Variants in ANAPC2 observed in about 807,000 individuals in gnomAD.
ANAPC2 encodes anaphase promoting complex subunit 2.
ANAPC2 carries 29 observed loss-of-function variants against 84.3 expected under a neutral mutation model. The observed-to-expected ratio is 0.34, with a 90% CI of 0.26 to 0.47. ANAPC2 has a LOEUF of 0.47. Among genes scored for constraint, ANAPC2 ranks in the 20% least tolerant of loss-of-function variants. ANAPC2 has a pLI of 1.00. For synonymous variants in ANAPC2, 571 were observed against 479.4 expected (o/e 1.19, Z -2.50); for missense variants, 857 against 1,131.7 (o/e 0.76, Z 3.48).
At chr9:137,183,362 T>C in intron 5 of ANAPC2, 120 bp from the exon 6 acceptor site, 3 of 890,712 alleles carry the variant, frequency 3.4e-6, no homozygotes, top group Non-Finnish European at 5.4e-6. Flanking sequence ...CACTGCAGCC[T>C]CGTTCCCTTG....
chr9:137,188,419 C>G lies in ANAPC2; in HGVS notation c.114G>C (p.Gly38=). ...CCCCTCTCTTCCCAGGCCTCACCAG[C>G]CCCAGCGCAGCCGGCGGCACCAGGC... ...STGLVPPAAL[G]LVSSRTSGAV... The change falls in exon 1 of 13, where the codon GGG becomes GGC. Residue 38 remains glycine, a synonymous_variant. Coordinates refer to ENST00000323927, the MANE Select transcript of ANAPC2 (RefSeq NM_013366.4). 1.2e-6 allele frequency: 2 copies of G among 1,607,212 alleles called. No individual in the cohort carries two copies. Among genetic ancestry groups the G allele is most frequent in the Non-Finnish European group, 1.7e-6 (2 of 1,179,052 alleles).
chr9:137,186,484 C>T (rs1834473422), intron 2 of ANAPC2, 128 bp from the exon 3 acceptor site: 1 of 1,260,926 alleles, frequency 7.9e-7, no homozygotes, highest in African/African-American at 1.5e-5. Flanking sequence ...ACACCCAGCA[C>T]ACACCTCCCC....
Position 137,180,355 on chromosome 9 carries a change from G to A in ANAPC2, c.1716C>T (p.Ala572=), listed in dbSNP as rs1352133851. ...GCTTCTCATCCTCCTCCCGGATGTT[G>A]GCATTGATGCGGCGGGAGTCCGCCA... ...KDMADSRRIN[A]NIREEDEKRP... The change falls in exon 10 of 13, where the codon GCC becomes GCT. Residue 572 remains alanine, a synonymous_variant. Transcript: ENST00000323927. The A allele has an allele frequency of 6.2e-7, 1 of 1,613,060 alleles. No homozygotes were observed. Among genetic ancestry groups the A allele is most frequent in the Non-Finnish European group, 8.5e-7 (1 of 1,179,924 alleles).
chr9:137,187,299 A>T, intron 2 of ANAPC2, 182 bp downstream of exon 2: 1 of 743,732 alleles, frequency 1.3e-6, no homozygotes, highest in Non-Finnish European at 2.1e-6. Flanking sequence ...ACTGAAGGTG[A>T]GTGACAGAAG....
intron 11 of ANAPC2, 37 bp from the exon 12 acceptor site, chr9:137,175,509 G>A (rs897843588): frequency 6.6e-7 from 1 of 1,515,004 alleles, no homozygotes; most frequent in Non-Finnish European, 8.9e-7. Flanking sequence ...GGCAGCCTGG[G>A]CACGGGCTGC....
intron 10 of ANAPC2, chr9:137,176,095 A>C (rs996401962): frequency 1.4e-5 from 6 of 426,406 alleles, no homozygotes; most frequent in African/African-American, 1.0e-4. Flanking sequence ...GTGCTTGGAA[A>C]TGTGGCCATA....
rs756177245 is a variant in ANAPC2, at chr9:137,175,183, C to T, written c.2257-29G>A. The T allele has an allele frequency of 2.5e-6, 4 of 1,602,378 alleles. No homozygotes were observed. In the African/African-American group the frequency reaches 5.4e-5, roughly 21 times the overall value. The stretch of plus-strand genomic sequence containing the variant: ...CGGACACAGGCCAGCCCCCGTCAGG[C>T]ACCTGCAGGCCTCGCCCCCGCCCCC... On this transcript the variant is annotated intron_variant, in intron 12 of 12. Coordinates refer to ENST00000323927, the MANE Select transcript of ANAPC2 (RefSeq NM_013366.4).
At chr9:137,187,419 C>A in intron 2 of ANAPC2, 62 bp downstream of exon 2, 1 of 1,544,496 alleles carries the variant, frequency 6.5e-7, no homozygotes, top group South Asian at 1.2e-5. Flanking sequence ...GCCAGCTGGA[C>A]CCAGGGGAGC....
chr9:137,180,512 C>T lies in ANAPC2; in HGVS notation c.1626G>A (p.Val542=), dbSNP rs1834321065. Residue 542 remains valine, a synonymous_variant, in exon 9 of 13, where the codon GTG becomes GTA. Coordinates refer to ENST00000323927, the MANE Select transcript of ANAPC2 (RefSeq NM_013366.4). ...SFSPEREIRN[V]ELLKLRFGEA... ...CGCCAAAGCGCAGCTTCAGCAGCTC[C>T]ACGTTGCGGATCTCCCTGGAAAGAC... 1 of 1,613,046 alleles carries T rather than the reference C, an allele frequency of 6.2e-7. No individual in the cohort carries two copies. Among genetic ancestry groups the T allele is most frequent in the Non-Finnish European group, 8.5e-7 (1 of 1,179,932 alleles).
rs1332049518 is a variant in ANAPC2, at chr9:137,174,868, C to G, written c.*74G>C. ...CAGTGCATTCTGGGACACGGGCGGG[C>G]GGGGGCTGGCACGGGAGGACGAGAG... On this transcript the variant is annotated 3_prime_UTR_variant, in exon 13 of 13. Transcript: ENST00000323927. The surrounding 1 kb of genome is among the most constrained non-coding windows in gnomAD (Gnocchi z 6.1). 1 of 1,012,070 alleles carries G rather than the reference C, an allele frequency of 9.9e-7. No homozygotes were observed. Among genetic ancestry groups the G allele is most frequent in the Non-Finnish European group, 1.3e-6 (1 of 748,666 alleles). The allele number at this position is 1,012,070 out of a possible 1,614,324, so 62.7% of individuals were successfully genotyped here.
intron 7 of ANAPC2, among the ~76,000 whole-genome samples, chr9:137,181,353 A>C (rs1834338902): frequency 6.6e-6 from 1 of 152,210 alleles, no homozygotes; most frequent in Non-Finnish European, 1.5e-5. Flanking sequence ...TGAGGCCCAA[A>C]TCAGTACAGA....
At chr9:137,181,012 A>G (rs1296732406) in intron 7 of ANAPC2, 83 bp from the exon 8 acceptor site, 1 of 1,546,926 alleles carries the variant, frequency 6.5e-7, no homozygotes, top group Non-Finnish European at 8.8e-7. Flanking sequence ...GCCCAGCCAG[A>G]CGGCACAGCC....
At chr9:137,177,949 C>G (rs1280989830) in intron 10 of ANAPC2, among the ~76,000 whole-genome samples, 1 of 152,152 alleles carries the variant, frequency 6.6e-6, no homozygotes, top group African/African-American at 2.4e-5. Context: ...TCCCCTAGAG[C>G]CTTCGGAGGG....
chr9:137,180,105 G>A (rs1834310165), intron 10 of ANAPC2, 76 bp downstream of exon 10: 3 of 1,485,546 alleles, frequency 2.0e-6, no homozygotes, highest in Admixed American at 3.9e-5. Context: ...GCAGCCACAG[G>A]CACCAGGCTG....
chr9:137,185,074 A>T lies in ANAPC2; in HGVS notation c.887T>A (p.Val296Glu). Residue 296 changes from valine (V) to glutamate (E), a missense_variant, in exon 4 of 13, where the codon GTG (valine) becomes GAG (glutamate). Physicochemically the swap from Val to Glu is moderately radical, Grantham distance 121. Transcript: ENST00000323927. ...GAACACCTTGCCGAGCCAGCCGACC[A>T]CCCGCTCGATCCACTGTCAGGAGAA... Reference protein sequence around the residue: ...LREFHKWIERVVGWLGKVFLQ... With the variant: ...LREFHKWIEREVGWLGKVFLQ... The T allele has an allele frequency of 6.5e-7, 1 of 1,543,820 alleles. No individual in the cohort carries two copies. Among genetic ancestry groups the T allele is most frequent in the Admixed American group, 2.1e-5 (1 of 48,052 alleles).
At chr9:137,177,860 G>A (rs1009300401) in intron 10 of ANAPC2, among the ~76,000 whole-genome samples, 5 of 152,288 alleles carry the variant, frequency 3.3e-5, no homozygotes, top group East Asian at 3.9e-4. Flanking sequence ...CGGGCGACGC[G>A]GCAGAGACCA....
chr9:137,175,205 C>T, intron 12 of ANAPC2, 32 bp downstream of exon 12: 1 of 1,606,482 alleles, frequency 6.2e-7, no homozygotes, highest in Non-Finnish European at 8.5e-7. Flanking sequence ...TCGCCCCCGC[C>T]CCCTGGCCCC....
intron 3 of ANAPC2, 23 bp downstream of exon 3, chr9:137,186,201 C>G: frequency 6.2e-7 from 1 of 1,608,792 alleles, no homozygotes; most frequent in Non-Finnish European, 8.5e-7. Context: ...CAGCGGGGCA[C>G]AGCCCAAGGG....
At chr9:137,181,020 G>A (rs1834330916) in intron 7 of ANAPC2, 91 bp from the exon 8 acceptor site, 2 of 1,503,636 alleles carry the variant, frequency 1.3e-6, no homozygotes, top group Admixed American at 3.7e-5. Context: ...AGACGGCACA[G>A]CCCAGCATGG....
Sources: allele counts gnomAD v4.1 joint callset (sites outside exome capture counted in the v4.1 genomes callset), GRCh38; gene constraint gnomAD v4.1.1; non-coding constraint Gnocchi (gnomAD v3.1); transcripts MANE v1.5; gene names NCBI Gene and HGNC (gene_info 2026-07-23, HGNC 2026-07-21).